The following KRTAP4-7 variants were observed in gnomAD, a reference collection of about 807,000 sequenced individuals.
The protein encoded by KRTAP4-7 is putative keratin-associated protein 4-X.
KRTAP4-7 carries 1 observed loss-of-function variant against 3.0 expected under a neutral mutation model. That is an observed-to-expected ratio of 0.33 (90% CI 0.12 to 1.57). KRTAP4-7 has a LOEUF of 1.57. Among genes scored for constraint, KRTAP4-7 ranks in the 40% most tolerant of loss-of-function variants. KRTAP4-7 has a pLI of 0.37. For synonymous variants in KRTAP4-7, 70 were observed against 74.6 expected (o/e 0.94, Z 0.32); for missense variants, 199 against 209.1 (o/e 0.95, Z 0.30).
Position 41,084,363 on chromosome 17 carries a change from C to T in KRTAP4-7, c.157C>T (p.Gln53Ter), listed in dbSNP as rs200444094. The change falls in exon 1 of 1, where the codon CAG becomes TAG. Residue 53 changes from glutamine (Q) to a stop codon, truncating the protein, a stop_gained. Transcript: ENST00000391417. LOFTEE classifies it low-confidence loss of function (END_TRUNC). ...TTGTGTGTCCAGCTGCTGCAGGCCCCAGTGCTGCCAGTCTGTGTGCTGCCA... is the reference window on the plus strand; with the variant it reads ...TTGTGTGTCCAGCTGCTGCAGGCCCTAGTGCTGCCAGTCTGTGTGCTGCCA... The T allele has an allele frequency of 1.1e-3, 1,729 of 1,575,362 alleles. 2 individuals are homozygous for T. Among genetic ancestry groups the T allele is most frequent in the Non-Finnish European group, 1.2e-3 (1,426 of 1,156,208 alleles).
chr17:41,084,619 C>G, exon 1 of KRTAP4-7: 1 of 1,601,338 alleles, frequency 6.2e-7, no homozygotes. Context: ...TATCGCCCAA[C>G]CTGTGTCATC....
chr17:41,084,639 C>T (rs1457375739), exon 1 of KRTAP4-7: 3 of 1,600,412 alleles, frequency 1.9e-6, no homozygotes, highest in African/African-American at 1.3e-5. Flanking sequence ...CTCCACCTGT[C>T]CCCGCCCCTT....
At chr17:41,084,496 C>T (rs1167503648) in exon 1 of KRTAP4-7, 5 of 1,580,600 alleles carry the variant, frequency 3.2e-6, no homozygotes, top group African/African-American at 1.4e-5. Flanking sequence ...TGCTGCAAGC[C>T]CCAGTGCTGC....
At chr17:41,084,999 G>A (rs1257302724) in exon 1 of KRTAP4-7, 4 of 462,046 alleles carry the variant, frequency 8.7e-6, no homozygotes, top group African/African-American at 7.9e-5. Flanking sequence ...TCTCAGTGAG[G>A]TAGATATTAT....
exon 1 of KRTAP4-7, chr17:41,085,003 A>T (rs1340161513): frequency 6.7e-6 from 3 of 447,480 alleles, no homozygotes; most frequent in Non-Finnish European, 1.2e-5. Context: ...AGTGAGGTAG[A>T]TATTATCTGC....
chr17:41,084,186 G>T (rs1227944759), exon 1 of KRTAP4-7: 2 of 1,590,632 alleles, frequency 1.3e-6, no homozygotes, highest in Non-Finnish European at 1.7e-6. Context: ...AACCCACCCA[G>T]ATCCTCCCCG....
chr17:41,084,985 T>G (rs939563169), exon 1 of KRTAP4-7: 2 of 509,824 alleles, frequency 3.9e-6, no homozygotes, highest in Admixed American at 7.7e-5. Flanking sequence ...GTACAGATTC[T>G]CCTTCTCAGT....
exon 1 of KRTAP4-7, chr17:41,084,268 A>G: frequency 1.2e-6 from 2 of 1,613,878 alleles, no homozygotes; most frequent in Non-Finnish European, 1.7e-6. Context: ...GACCTCTGTC[A>G]GGAGACCTGC....
rs199584700 is a variant in KRTAP4-7, at chr17:41,084,328, G to A, written c.122G>A (p.Arg41His). The change falls in exon 1 of 1, where the codon CGC (arginine) becomes CAC (histidine). Residue 41 changes from arginine (R) to histidine (H), a missense_variant. Coordinates refer to ENST00000391417, the Ensembl canonical transcript of KRTAP4-7. Reference sequence around the variant, plus strand: ...ACCTGTTGCAGGACCACCTGCTACCGCCCCAGCTGTTGTGTGTCCAGCTGC... The same window carrying A: ...ACCTGTTGCAGGACCACCTGCTACCACCCCAGCTGTTGTGTGTCCAGCTGC... The A allele has an allele frequency of 4.4e-4, 702 of 1,613,638 alleles. 1 individual carries two copies. The highest frequency in any genetic ancestry group is 5.5e-4 in the Non-Finnish European group (649 of 1,179,902).
chr17:41,084,482 C>A (rs765231196), exon 1 of KRTAP4-7: 3 of 1,510,362 alleles, frequency 2.0e-6, no homozygotes, highest in Non-Finnish European at 9.0e-7. Flanking sequence ...GCTGTATGTC[C>A]AGCTGCTGCA....
exon 1 of KRTAP4-7, chr17:41,084,765 G>T: frequency 6.8e-7 from 1 of 1,475,488 alleles, no homozygotes; most frequent in Non-Finnish European, 9.1e-7. Context: ...ATGAAGTGGG[G>T]TTGATGTCAT....
exon 1 of KRTAP4-7, chr17:41,084,725 A>C: frequency 6.5e-7 from 1 of 1,536,870 alleles, no homozygotes. Context: ...ACAGATGTAG[A>C]CCCTTCTACT....
rs1466726920 is a variant in KRTAP4-7, at chr17:41,084,541, C to T, written c.335C>T (p.Pro112Leu). 1 of 1,148,768 alleles carries T rather than the reference C, an allele frequency of 8.7e-7. No homozygotes were observed. The highest frequency in any genetic ancestry group is 2.5e-5 in the East Asian group (1 of 40,812). The allele number at this position is 1,148,768 out of a possible 1,614,324, so 71.2% of individuals were successfully genotyped here. A position where few individuals can be genotyped will look rare whatever the true frequency, so the allele number is the denominator to read the frequency against. The change falls in exon 1 of 1, where the codon CCC (proline) becomes CTC (leucine). Residue 112 changes from proline to leucine, a missense_variant. By Grantham distance (98) the Pro-to-Leu change is moderately conservative (BLOSUM62 -3). Transcript: ENST00000391417. Reference sequence around the variant, plus strand: ...TGCTGCCAGCCCACCTGCTGCCGCCCCAGCTGCTGCCGCCCCTGCTGCTGC... The same window carrying T: ...TGCTGCCAGCCCACCTGCTGCCGCCTCAGCTGCTGCCGCCCCTGCTGCTGC...
exon 1 of KRTAP4-7, chr17:41,084,829 T>C (rs2143845719): frequency 8.3e-7 from 1 of 1,204,006 alleles, no homozygotes; most frequent in Non-Finnish European, 1.1e-6. Flanking sequence ...TCACTGACTC[T>C]GTGAGAACAT....
chr17:41,084,783 G>A, exon 1 of KRTAP4-7: 1 of 1,446,174 alleles, frequency 6.9e-7, no homozygotes, highest in Non-Finnish European at 9.2e-7. Flanking sequence ...CATTCAATAG[G>A]ATGGACCTTA....
chr17:41,085,054 C>T (rs1289491527), exon 1 of KRTAP4-7: 2 of 312,846 alleles, frequency 6.4e-6, no homozygotes, highest in African/African-American at 2.2e-5. Context: ...TCAGATCCAG[C>T]CACCCAATTG....
At chr17:41,084,724 G>T (rs1291170301) in exon 1 of KRTAP4-7, 1 of 1,538,688 alleles carries the variant, frequency 6.5e-7, no homozygotes, top group Non-Finnish European at 8.8e-7. Flanking sequence ...CACAGATGTA[G>T]ACCCTTCTAC....
downstream of KRTAP4-7, chr17:41,085,142 G>A (rs1194194095): frequency 5.3e-6 from 1 of 188,848 alleles, no homozygotes; most frequent in Admixed American, 5.5e-5. Context: ...CTGCACTTAA[G>A]AATTCATTGG....
chr17:41,084,881 C>T, exon 1 of KRTAP4-7: 1 of 766,064 alleles, frequency 1.3e-6, no homozygotes, highest in East Asian at 2.7e-5. Context: ...TCTTTTTCTT[C>T]TGGTGGTGGC....
Sources: allele counts gnomAD v4.1 joint callset, GRCh38; gene constraint gnomAD v4.1.1; transcripts MANE v1.5; gene names NCBI Gene and HGNC (gene_info 2026-07-23, HGNC 2026-07-21).